RPS6KC1: variants seen among roughly 807,000 people sequenced by gnomAD.
RPS6KC1 encodes the protein inactive ribosomal protein S6 kinase delta-1.
Under a neutral mutation model 103.8 loss-of-function variants are expected in RPS6KC1, and 54 were observed. The observed-to-expected ratio is 0.52, with a 90% CI of 0.42 to 0.65. The LOEUF (loss-of-function observed/expected upper bound fraction) is 0.65, where lower values mean the gene tolerates loss of function less well. Ranked by LOEUF, RPS6KC1 falls within the 30% of genes least tolerant of loss-of-function variation. The pLI is 0.00. For synonymous variants in RPS6KC1, 439 were observed against 438.7 expected (o/e 1.00, Z -0.01); for missense variants, 1,151 against 1,253.8 (o/e 0.92, Z 1.24).
the RPS6KC1 span, among the ~76,000 whole-genome samples, chr1:213,655,136 A>G: frequency 2.6e-5 from 4 of 152,288 alleles, no homozygotes; most frequent in East Asian, 3.9e-4. Flanking sequence ...TCCCCCTCCC[A>G]GGCTCAAGTG....
the RPS6KC1 span, among the ~76,000 whole-genome samples, chr1:213,363,576 T>G: frequency 6.6e-6 from 1 of 151,922 alleles, no homozygotes; most frequent in African/African-American, 2.4e-5. Context: ...AAGGGCAAAA[T>G]TTCTCTATTC....
the RPS6KC1 span, among the ~76,000 whole-genome samples, chr1:213,580,551 T>C: frequency 6.6e-6 from 1 of 152,042 alleles, no homozygotes; most frequent in Non-Finnish European, 1.5e-5. Context: ...TAAAATGCTA[T>C]CAAATAACAC....
chr1:213,847,513 ATCTGTGAGGTCTGGATG>A, the RPS6KC1 span, among the ~76,000 whole-genome samples: 1 of 152,190 alleles, frequency 6.6e-6, no homozygotes, highest in Admixed American at 6.5e-5. Flanking sequence ...CTTGTCAAAT[ATCTGTGAGGTCTGGATG>A]AGAAACTGAA....
At chr1:213,420,335 T>A in the RPS6KC1 span, among the ~76,000 whole-genome samples, 98 of 152,036 alleles carry the variant, frequency 6.4e-4, 1 homozygote, top group African/African-American at 2.2e-3. Context: ...AAAAGTAGGG[T>A]AAAGTGGGAC....
At chr1:213,710,280 T>C in the RPS6KC1 span, among the ~76,000 whole-genome samples, 908 of 152,344 alleles carry the variant, frequency 6.0e-3, 10 homozygotes, top group South Asian at 0.019. Flanking sequence ...TGCCCTTCTT[T>C]GTCTTTTTTT....
the RPS6KC1 span, among the ~76,000 whole-genome samples, chr1:213,574,833 C>T: frequency 6.6e-6 from 1 of 152,142 alleles, no homozygotes; most frequent in African/African-American, 2.4e-5. Flanking sequence ...GAAACGAGGA[C>T]CCTGATCCCC....
At chr1:213,499,427 G>A in the RPS6KC1 span, among the ~76,000 whole-genome samples, 1 of 152,156 alleles carries the variant, frequency 6.6e-6, no homozygotes, top group African/African-American at 2.4e-5. Context: ...GGAGTGGTGG[G>A]GAAGTTGGGG....
chr1:213,393,378 T>C, the RPS6KC1 span, among the ~76,000 whole-genome samples: 2 of 152,294 alleles, frequency 1.3e-5, no homozygotes, highest in East Asian at 3.9e-4. Context: ...TCCACCCGGA[T>C]CAATAGGTTT....
At chr1:213,649,599 G>C in the RPS6KC1 span, among the ~76,000 whole-genome samples, 18 of 145,572 alleles carry the variant, frequency 1.2e-4, no homozygotes, top group Admixed American at 1.1e-3. Flanking sequence ...TCCCTCCCCC[G>C]CCCACCAGGT....
chr1:213,308,644 C>T, the RPS6KC1 span, among the ~76,000 whole-genome samples: 18 of 152,122 alleles, frequency 1.2e-4, no homozygotes, highest in Admixed American at 3.9e-4. Context: ...CCTTTATTCT[C>T]TAAGTATTCA....
the RPS6KC1 span, among the ~76,000 whole-genome samples, chr1:213,808,160 G>A: frequency 1.3e-5 from 2 of 150,526 alleles, no homozygotes; most frequent in African/African-American, 5.0e-5. Flanking sequence ...GGAGTACCCG[G>A]CTGTGTGAGG....
chr1:213,799,004 A>G, the RPS6KC1 span, among the ~76,000 whole-genome samples: 7 of 152,172 alleles, frequency 4.6e-5, no homozygotes, highest in Admixed American at 3.3e-4. Flanking sequence ...TCTGACCTCA[A>G]CTAGTTTGGA....
chr1:213,525,914 A>G, the RPS6KC1 span, among the ~76,000 whole-genome samples: 1 of 152,228 alleles, frequency 6.6e-6, no homozygotes, highest in African/African-American at 2.4e-5. Flanking sequence ...AAGTGGAAAC[A>G]GCGAGTATAA....
At chr1:213,447,545 A>C in the RPS6KC1 span, among the ~76,000 whole-genome samples, 1 of 152,240 alleles carries the variant, frequency 6.6e-6, no homozygotes, top group African/African-American at 2.4e-5. Context: ...TACTCATGGC[A>C]TATCACCATT....
intron 4 of RPS6KC1, among the ~76,000 whole-genome samples, chr1:213,113,773 C>T (rs1319923380): frequency 6.6e-6 from 1 of 152,138 alleles, no homozygotes; most frequent in Admixed American, 6.5e-5. Flanking sequence ...CAGCTTTCTA[C>T]ATATGGCTAG....
At chr1:213,310,590 A>G in the RPS6KC1 span, among the ~76,000 whole-genome samples, 1 of 152,182 alleles carries the variant, frequency 6.6e-6, no homozygotes, top group Non-Finnish European at 1.5e-5. Context: ...AATACTTGAC[A>G]TGATGTATAT....
At chr1:213,254,887 G>A (rs1172950805) in intron 12 of RPS6KC1, among the ~76,000 whole-genome samples, 1 of 152,078 alleles carries the variant, frequency 6.6e-6, no homozygotes, top group Non-Finnish European at 1.5e-5. Flanking sequence ...CCTAGAAATT[G>A]CAATTATAGA....
At chr1:213,862,475 A>G in the RPS6KC1 span, among the ~76,000 whole-genome samples, 1 of 152,202 alleles carries the variant, frequency 6.6e-6, no homozygotes, top group South Asian at 2.1e-4. Flanking sequence ...ATTTCTGGTC[A>G]TAAAGGAATC....
At chr1:213,508,777 T>G in the RPS6KC1 span, among the ~76,000 whole-genome samples, 1 of 152,202 alleles carries the variant, frequency 6.6e-6, no homozygotes, top group African/African-American at 2.4e-5. Context: ...GAGGTGTGTC[T>G]TTTGGGGGCT....
Sources: allele counts gnomAD v4.1 joint callset (sites outside exome capture counted in the v4.1 genomes callset), GRCh38; gene constraint gnomAD v4.1.1; transcripts MANE v1.5; gene names NCBI Gene and HGNC (gene_info 2026-07-23, HGNC 2026-07-21).